FAR2: variants seen among roughly 807,000 people sequenced by gnomAD.
FAR2 encodes the protein fatty acyl-CoA reductase 2, also known as epididymis secretory protein Li 81.
Under a neutral mutation model 56.0 loss-of-function variants are expected in FAR2, and 19 were observed. The ratio of observed to expected loss-of-function variants is 0.34; its 90% CI spans 0.24 to 0.50. The LOEUF is 0.50. FAR2 is among the 20% of genes least tolerant of loss of function. The pLI, the probability that FAR2 is intolerant of heterozygous loss-of-function variation, is 0.98. For missense variants in FAR2, 508 were observed against 642.2 expected (o/e 0.79, Z 2.26); for synonymous variants, 219 against 218.8 (o/e 1.00, Z -0.01).
chr12:29,186,200 T>C (rs919656418), intron 1 of FAR2, among the ~76,000 whole-genome samples: 2 of 152,250 alleles, frequency 1.3e-5, no homozygotes, highest in Non-Finnish European at 2.9e-5. Flanking sequence ...AAATCTGTTA[T>C]ATATTTATAC....
At chr12:29,308,730 A>ATATATATATATATATG (rs1949298676) in intron 5 of FAR2, among the ~76,000 whole-genome samples, 1 of 149,970 alleles carries the variant, frequency 6.7e-6, no homozygotes, top group African/African-American at 2.5e-5. Flanking sequence ...ATATATATAT[A>ATATATATATATATATG]TATGTATATA....
chr12:29,260,814 G>T (rs1948405484), intron 1 of FAR2, among the ~76,000 whole-genome samples: 1 of 152,172 alleles, frequency 6.6e-6, no homozygotes, highest in African/African-American at 2.4e-5. Context: ...CAAAGTAAGG[G>T]AAGAAAACAA....
chr12:29,331,149 TAAG>T (rs1401442392), intron 10 of FAR2, among the ~76,000 whole-genome samples: 1 of 151,842 alleles, frequency 6.6e-6, no homozygotes, highest in Non-Finnish European at 1.5e-5. Context: ...AGAAGTTAAG[TAAG>T]TTAAGAGTAA....
At chr12:29,172,531 C>T (rs754245559) in intron 1 of FAR2, among the ~76,000 whole-genome samples, 3 of 152,154 alleles carry the variant, frequency 2.0e-5, no homozygotes, top group South Asian at 2.1e-4. Flanking sequence ...CCTCTGATCT[C>T]GCTTTTCCTT....
chr12:29,279,605 T>G (rs1948754741), intron 2 of FAR2, among the ~76,000 whole-genome samples: 1 of 152,190 alleles, frequency 6.6e-6, no homozygotes. Flanking sequence ...GTTTTTTGCT[T>G]TTTGGTCCCA....
rs1949771676 is a variant in FAR2, at chr12:29,334,434, G to A, written c.*640G>A. The A allele has an allele frequency of 6.6e-6, 1 of 152,172 alleles. No individual in the cohort carries two copies. The highest frequency in any genetic ancestry group is 1.5e-5 in the Non-Finnish European group (1 of 68,026). The allele number at this position is 152,172 out of a possible 1,614,324, so 9.4% of individuals were successfully genotyped here. ...AGAAGTGTAAATAAGTATGTATAGAGTGAGGGATTAAGCATATTTGCATTG... is the reference window on the plus strand; with the variant it reads ...AGAAGTGTAAATAAGTATGTATAGAATGAGGGATTAAGCATATTTGCATTG... On this transcript the variant is annotated 3_prime_UTR_variant, in exon 12 of 12. Coordinates refer to ENST00000536681, the MANE Select transcript of FAR2 (RefSeq NM_001271783.2).
At chr12:29,262,905 C>A (rs1465273390) in intron 1 of FAR2, among the ~76,000 whole-genome samples, 1 of 152,100 alleles carries the variant, frequency 6.6e-6, no homozygotes, top group African/African-American at 2.4e-5. Context: ...ACAATAAACA[C>A]ACTTCACCTA....
chr12:29,266,394 C>T (rs1565496056), intron 1 of FAR2, among the ~76,000 whole-genome samples: 1 of 151,984 alleles, frequency 6.6e-6, no homozygotes, highest in African/African-American at 2.4e-5. Context: ...GTGAAGTAAA[C>T]CAGGTACAGA....
At chr12:29,265,977 TC>T (rs199893931) in intron 1 of FAR2, among the ~76,000 whole-genome samples, 5,579 of 152,186 alleles carry the variant, frequency 0.037, 161 homozygotes, top group South Asian at 0.13. Context: ...ATTATCTCAC[TC>T]CAGTTAAAAT....
chr12:29,149,662 G>A (rs957045374), intron 1 of FAR2, among the ~76,000 whole-genome samples: 2 of 152,236 alleles, frequency 1.3e-5, no homozygotes, highest in East Asian at 3.9e-4. Context: ...CGTCGGCGGA[G>A]CCCGCCAAGG....
At chr12:29,221,095 A>G (rs913879263) in intron 1 of FAR2, among the ~76,000 whole-genome samples, 10 of 152,030 alleles carry the variant, frequency 6.6e-5, no homozygotes, top group African/African-American at 2.4e-4. Context: ...AATAACTGGT[A>G]ACAACACTCC....
intron 1 of FAR2, among the ~76,000 whole-genome samples, chr12:29,199,126 A>G (rs1947371286): frequency 6.6e-6 from 1 of 152,200 alleles, no homozygotes; most frequent in Non-Finnish European, 1.5e-5. Flanking sequence ...GTATGACTCA[A>G]GTGTGGGCAT....
intron 4 of FAR2, among the ~76,000 whole-genome samples, chr12:29,299,329 C>T (rs1246354868): frequency 1.3e-5 from 2 of 151,796 alleles, no homozygotes; most frequent in Non-Finnish European, 2.9e-5. Flanking sequence ...TATATCCAGA[C>T]ACTAAATACC....
In FAR2 at chr12:29,183,504, A is replaced by G. The variant is rs1950011163; in HGVS notation, c.-39+34097A>G. ...TTTCTTCTAAGTCTTCCTGGCCTAT[A>G]TGAATGAAGTCTGAATCTTAAGGGA... On this transcript the variant is annotated intron_variant, in intron 1 of 11. Coordinates refer to ENST00000536681, the MANE Select transcript of FAR2 (RefSeq NM_001271783.2). Among the ~76,000 whole-genome samples, 3 of 152,218 alleles carry G rather than the reference A, an allele frequency of 2.0e-5. 1 individual carries two copies. In the South Asian group the frequency reaches 6.2e-4, roughly 31 times the overall value.
intron 1 of FAR2, among the ~76,000 whole-genome samples, chr12:29,175,924 C>G (rs886620365): frequency 6.6e-6 from 1 of 152,180 alleles, no homozygotes; most frequent in Non-Finnish European, 1.5e-5. Flanking sequence ...CTGGCTTCAT[C>G]TCTCAATCTT....
chr12:29,175,898 G>A (rs930911776), intron 1 of FAR2, among the ~76,000 whole-genome samples: 3 of 152,142 alleles, frequency 2.0e-5, no homozygotes, highest in African/African-American at 7.2e-5. Flanking sequence ...GTCCCCACTC[G>A]ACCCAGGAAG....
rs1352848992 is a variant in FAR2 at position 29,307,507 on chromosome 12, A to G, written c.546-151A>G. ...CAAAAAGCTCATGCATGCTTTGAGCAGGTACACACTCAAACTTGGTATCAT... is the reference window on the plus strand; with the variant it reads ...CAAAAAGCTCATGCATGCTTTGAGCGGGTACACACTCAAACTTGGTATCAT... On this transcript the variant is annotated intron_variant, in intron 4 of 11. Coordinates refer to ENST00000536681, the MANE Select transcript of FAR2 (RefSeq NM_001271783.2). 10 of 703,648 alleles carry G rather than the reference A, an allele frequency of 1.4e-5. No individual in the cohort carries two copies. In the African/African-American group the frequency reaches 1.8e-4, roughly 13 times the overall value. The allele number at this position is 703,648 out of a possible 1,614,324, so 43.6% of individuals were successfully genotyped here. A position where few individuals can be genotyped will look rare whatever the true frequency, so the allele number is the denominator to read the frequency against.
chr12:29,204,977 G>A (rs1213570240), intron 1 of FAR2, among the ~76,000 whole-genome samples: 1 of 152,190 alleles, frequency 6.6e-6, no homozygotes, highest in Non-Finnish European at 1.5e-5. Context: ...TGGAGACACA[G>A]ATCCAAACCA....
intron 4 of FAR2, among the ~76,000 whole-genome samples, chr12:29,297,836 A>C (rs1032046696): frequency 2.6e-5 from 4 of 152,030 alleles, no homozygotes; most frequent in Non-Finnish European, 5.9e-5. Context: ...ACCTGAGTCC[A>C]AGAGTTCAAG....
Sources: gnomAD v4.1 joint callset for allele counts (sites outside exome capture counted in the v4.1 genomes callset) on GRCh38, gnomAD v4.1.1 for gene constraint, MANE v1.5 for transcripts, NCBI Gene and HGNC (gene_info 2026-07-23, HGNC 2026-07-21) for gene names.